Variants in ZNF99 observed in about 807,000 individuals in gnomAD.
The protein encoded by ZNF99 is zinc finger protein 99.
Under a neutral mutation model 12.8 loss-of-function variants are expected in ZNF99, and 8 were observed. That is an observed-to-expected ratio of 0.62 (90% CI 0.37 to 1.13). The LOEUF is 1.13. ZNF99 is among the 50% of genes most tolerant of loss of function. The probability of loss-of-function intolerance (pLI) is 0.02; values close to 1 mark genes in which losing one functional copy is unlikely to be tolerated. For synonymous variants in ZNF99, 318 were observed against 319.0 expected (o/e 1.00, Z 0.03); for missense variants, 1,007 against 1,006.2 (o/e 1.00, Z -0.01).
intron 3 of ZNF99, among the ~76,000 whole-genome samples, chr19:22,767,107 CAAAAAA>C: frequency 1.2e-5 from 1 of 81,714 alleles, no homozygotes; most frequent in East Asian, 3.5e-4. Context: ...CTGTCTCTAC[CAAAAAA>C]AAAAAAAAAA....
chr19:22,783,963 G>A (rs1973419362), intron 1 of ZNF99, 51 bp downstream of exon 1: 4 of 1,613,066 alleles, frequency 2.5e-6, no homozygotes, highest in Non-Finnish European at 3.4e-6. Context: ...CTTTCCACCG[G>A]TTCCAGTCAG....
intron 1 of ZNF99, among the ~76,000 whole-genome samples, chr19:22,782,030 AT>A (rs1352971050): frequency 6.6e-6 from 1 of 152,180 alleles, no homozygotes; most frequent in African/African-American, 2.4e-5. Context: ...CTTAGGAAAT[AT>A]TCACAAACAG....
At chr19:22,783,929 G>C (rs1488367854) in intron 1 of ZNF99, 85 bp downstream of exon 1, 10 of 1,548,690 alleles carry the variant, frequency 6.5e-6, no homozygotes, top group African/African-American at 2.7e-5. Flanking sequence ...TCACTGAGGG[G>C]AGGCCTGAGT....
intron 1 of ZNF99, among the ~76,000 whole-genome samples, chr19:22,781,977 T>G (rs1973392889): frequency 6.6e-6 from 1 of 151,338 alleles, no homozygotes; most frequent in Non-Finnish European, 1.5e-5. Context: ...GCACAAAGAT[T>G]TTTTACAACA....
chr19:22,774,849 G>A lies in ZNF99; in HGVS notation c.4-5525C>T, dbSNP rs187847262. Among the ~76,000 whole-genome samples, 16 of 152,138 alleles carry A rather than the reference G, an allele frequency of 1.1e-4. No homozygotes were observed. In the East Asian group the frequency reaches 2.7e-3, roughly 26 times the overall value. ...TGTGCCATTGCACTCCAGCCTGGGC[G>A]ACAGAGCGAGGATCTGACTCAAAAT... On this transcript the variant is annotated intron_variant, in intron 1 of 3. Transcript: ENST00000596209.
chr19:22,765,393 C>T (rs541098959), intron 3 of ZNF99, among the ~76,000 whole-genome samples: 4 of 151,872 alleles, frequency 2.6e-5, no homozygotes, highest in South Asian at 4.2e-4. Flanking sequence ...GTATACAGCT[C>T]GGGTGATGAG....
Position 22,757,129 on chromosome 19 carries a change from C to A in ZNF99, c.*185G>T, listed in dbSNP as rs34378744. 6.2e-7 allele frequency: 1 copy of A among 1,609,802 alleles called. No homozygotes were observed. Among genetic ancestry groups the A allele is most frequent in the Non-Finnish European group, 8.5e-7 (1 of 1,177,870 alleles). ...TTCCACATTCTCCACATTTGTAGGG[C>A]TTCTCCCCAGTATGAACTGCTTTAT... On this transcript the variant is annotated 3_prime_UTR_variant, in exon 4 of 4. Coordinates refer to ENST00000596209, the MANE Select transcript of ZNF99 (RefSeq NM_001080409.3).
chr19:22,760,673 G>A (rs1973140845), intron 3 of ZNF99, among the ~76,000 whole-genome samples: 1 of 151,950 alleles, frequency 6.6e-6, no homozygotes, highest in Non-Finnish European at 1.5e-5. Context: ...GAACCCGGGA[G>A]GCAGAGCTTG....
chr19:22,781,403 C>CTTT (rs35970718), intron 1 of ZNF99, among the ~76,000 whole-genome samples: 1,305 of 87,534 alleles, frequency 0.015, 6 homozygotes, highest in Middle Eastern at 0.023. Context: ...ATTGGGGTCA[C>CTTT]TTTTTTTTTT....
rs5827535 is a variant in ZNF99, at chr19:22,760,884, T to TAAA, written c.227-1205_227-1203dup. The stretch of plus-strand genomic sequence containing the variant: ...AGAAACATGAGTAACATTCTTTATC[T>TAAA]AAAAAAAAAAAAAAAAAAAAAATTT... On this transcript the variant is annotated intron_variant, in intron 3 of 3. Transcript: ENST00000596209. Among the ~76,000 whole-genome samples the TAAA allele has an allele frequency of 5.4e-3, 634 of 118,228 alleles. 6 individuals carry two copies. Among genetic ancestry groups the TAAA allele is most frequent in the African/African-American group, 0.019 (602 of 31,058 alleles). 77.6% of individuals were successfully genotyped at this position (118,228 alleles called of 152,430 possible). A position where few individuals can be genotyped will look rare whatever the true frequency, so the allele number is the denominator to read the frequency against.
chr19:22,755,457 G>T lies in ZNF99; in HGVS notation c.*1857C>A. ...TTTTGCCACACTCTTCACATGAGGC[G>T]GGTTTCTCTCTAATTTATCTTATAT... On this transcript the variant is annotated 3_prime_UTR_variant, in exon 4 of 4. Transcript: ENST00000596209. 3.5e-6 allele frequency: 1 copy of T among 282,902 alleles called. No individual in the cohort carries two copies. The allele number at this position is 282,902 out of a possible 1,614,324, so 17.5% of individuals were successfully genotyped here. A position where few individuals can be genotyped will look rare whatever the true frequency, so the allele number is the denominator to read the frequency against.
chr19:22,755,992 A>T lies in ZNF99; in HGVS notation c.*1322T>A. 1 of 651,094 alleles carries T rather than the reference A, an allele frequency of 1.5e-6. No homozygotes were observed. The highest frequency in any genetic ancestry group is 2.6e-6 in the Non-Finnish European group (1 of 390,750). The allele number at this position is 651,094 out of a possible 1,614,324, so 40.3% of individuals were successfully genotyped here. ...AGTATCAATTATTTTATGTGTATTT[A>T]AGGTGTGAGGACTGGTTAAAGGCTT... On this transcript the variant is annotated 3_prime_UTR_variant, in exon 4 of 4. Transcript: ENST00000596209.
chr19:22,756,963 T>C lies in ZNF99; in HGVS notation c.*351A>G, dbSNP rs759279728. On this transcript the variant is annotated 3_prime_UTR_variant, in exon 4 of 4. Transcript: ENST00000596209. ...CCACATTCTTCACATTTGTATGGTT[T>C]CTCCCCAGTATGAATTATCTTATGT... The C allele has an allele frequency of 6.2e-7, 1 of 1,612,516 alleles. No individual in the cohort carries two copies. Among genetic ancestry groups the C allele is most frequent in the South Asian group, 1.1e-5 (1 of 91,018 alleles).
rs1568380235 is a variant in ZNF99 at position 22,753,189 on chromosome 19, A to C, written c.*4125T>G. 1.3e-5 allele frequency: 2 copies of C among 151,978 alleles called. No homozygotes were observed. Among genetic ancestry groups the C allele is most frequent in the Non-Finnish European group, 2.9e-5 (2 of 67,940 alleles). 9.4% of individuals were successfully genotyped at this position (151,978 alleles called of 1,614,324 possible). On this transcript the variant is annotated 3_prime_UTR_variant, in exon 4 of 4. Coordinates refer to ENST00000596209, the MANE Select transcript of ZNF99 (RefSeq NM_001080409.3). Reference sequence around the variant, plus strand: ...GTGATGTTAATTTTTTTGATATTTGAAGTATACAAAAAGTATACTTCAAAT... The same window carrying C: ...GTGATGTTAATTTTTTTGATATTTGCAGTATACAAAAAGTATACTTCAAAT...
rs7248586 is a variant in ZNF99 at position 22,784,100 on chromosome 19, C to T, written c.-84G>A. On this transcript the variant is annotated 5_prime_UTR_variant, in exon 1 of 4. It adds an upstream start codon to the 5' untranslated region. Transcript: ENST00000596209. ...CACAGGGCCACAGAGGCTAAGGACA[C>T]AGAGCAGTAAAAACGAGATCCGGAG... 2.6e-6 allele frequency: 4 copies of T among 1,524,466 alleles called. No homozygotes were observed. The highest frequency in any genetic ancestry group is 2.3e-5 in the East Asian group (1 of 44,210). The allele number at this position is 1,524,466 out of a possible 1,614,324, so 94.4% of individuals were successfully genotyped here.
rs149112282 is a variant in ZNF99, at chr19:22,780,011, C to G, written c.3+4003G>C. On this transcript the variant is annotated intron_variant, in intron 1 of 3. Transcript: ENST00000596209. Reference sequence around the variant, plus strand: ...CAATCCCCTTTCATCTTAACCTTAACTGCATCTGCCTGTGGGTCCCCAGCT... The same window carrying G: ...CAATCCCCTTTCATCTTAACCTTAAGTGCATCTGCCTGTGGGTCCCCAGCT... 2.1e-3 allele frequency among the ~76,000 whole-genome samples: 316 copies of G among 152,308 alleles called. 1 individual carries two copies. Among genetic ancestry groups the G allele is most frequent in the African/African-American group, 7.1e-3 (295 of 41,566 alleles).
At chr19:22,771,688 C>T (rs1268227598) in intron 1 of ZNF99, among the ~76,000 whole-genome samples, 3 of 149,318 alleles carry the variant, frequency 2.0e-5, no homozygotes. Context: ...TCCACACCTT[C>T]CCCTATTCAA....
chr19:22,783,317 C>T (rs1973411410), intron 1 of ZNF99, among the ~76,000 whole-genome samples: 1 of 149,752 alleles, frequency 6.7e-6, no homozygotes, highest in Non-Finnish European at 1.5e-5. Context: ...AATTCAAGTG[C>T]TTTTTTTTTT....
chr19:22,779,007 CAA>C (rs540497626), intron 1 of ZNF99, among the ~76,000 whole-genome samples: 1 of 128,356 alleles, frequency 7.8e-6, no homozygotes. Context: ...AACTCTATCT[CAA>C]AAAAAAAAAA....
Sources: gnomAD v4.1 joint callset for allele counts (sites outside exome capture counted in the v4.1 genomes callset) on GRCh38, gnomAD v4.1.1 for gene constraint, MANE v1.5 for transcripts, NCBI Gene and HGNC (gene_info 2026-07-23, HGNC 2026-07-21) for gene names.